AFG2B: variants seen among roughly 807,000 people sequenced by gnomAD.
AFG2B encodes the protein AAA ATPase AFG2B.
At chr15:45,418,720 T>C in the AFG2B span, 1 of 1,600,294 alleles carries the variant, frequency 6.2e-7, no homozygotes, top group Non-Finnish European at 8.5e-7. Flanking sequence ...GTTCAAAACA[T>C]TTCTGCATCT....
the AFG2B span, chr15:45,402,785 G>A: frequency 2.5e-6 from 4 of 1,590,014 alleles, no homozygotes; most frequent in Middle Eastern, 1.7e-4. Context: ...TTGCGAGAGC[G>A]GGCAGGCGCG....
chr15:45,402,605 G>A, the AFG2B span: 4 of 1,574,224 alleles, frequency 2.5e-6, no homozygotes, highest in South Asian at 1.1e-5. Flanking sequence ...TCCTGCCTCT[G>A]CACTGCCTGG....
At chr15:45,413,015 T>C in the AFG2B span, among the ~76,000 whole-genome samples, 1 of 152,258 alleles carries the variant, frequency 6.6e-6, no homozygotes, top group Non-Finnish European at 1.5e-5. Flanking sequence ...CTAGAATTTT[T>C]GAGTCCATGG....
the AFG2B span, chr15:45,410,648 C>A: frequency 1.1e-6 from 1 of 905,456 alleles, no homozygotes; most frequent in Non-Finnish European, 1.6e-6. Flanking sequence ...GTGATCCTAA[C>A]ATCTAAATCC....
chr15:45,404,998 C>T, the AFG2B span, among the ~76,000 whole-genome samples: 1 of 151,962 alleles, frequency 6.6e-6, no homozygotes, highest in Non-Finnish European at 1.5e-5. Context: ...TTAGGATATC[C>T]ATCACCTCAA....
chr15:45,409,860 C>T, the AFG2B span, among the ~76,000 whole-genome samples: 1 of 152,138 alleles, frequency 6.6e-6, no homozygotes, highest in Admixed American at 6.5e-5. Context: ...GAGTGAGACC[C>T]TGTCTCAAAA....
the AFG2B span, chr15:45,414,547 T>G: frequency 2.5e-6 from 4 of 1,603,584 alleles, no homozygotes; most frequent in Admixed American, 5.0e-5. Flanking sequence ...CTAAAACAAC[T>G]CTTCTCTTTT....
the AFG2B span, chr15:45,403,011 C>T: frequency 1.5e-5 from 23 of 1,585,828 alleles, no homozygotes; most frequent in Non-Finnish European, 1.9e-5. Flanking sequence ...CGTCGGAAGC[C>T]CAGCCGCAGC....
At chr15:45,410,419 T>A in the AFG2B span, 1 of 1,613,904 alleles carries the variant, frequency 6.2e-7, no homozygotes, top group South Asian at 1.1e-5. Flanking sequence ...TTGAAGCTTT[T>A]AAAAATATTC....
chr15:45,403,087 C>T, the AFG2B span: 2 of 1,526,276 alleles, frequency 1.3e-6, no homozygotes, highest in East Asian at 5.0e-5. Flanking sequence ...CCGCCTCCCG[C>T]TCCGCTACCC....
the AFG2B span, among the ~76,000 whole-genome samples, chr15:45,419,135 G>T: frequency 6.6e-6 from 1 of 152,142 alleles, no homozygotes; most frequent in African/African-American, 2.4e-5. Context: ...TCTTAGAGTG[G>T]AGAATGGCAA....
chr15:45,410,804 C>T, the AFG2B span, among the ~76,000 whole-genome samples: 2 of 151,988 alleles, frequency 1.3e-5, no homozygotes, highest in Non-Finnish European at 2.9e-5. Flanking sequence ...GTCTATAATC[C>T]CAGCACTTTG....
At chr15:45,410,317 A>G in the AFG2B span, 1 of 1,585,998 alleles carries the variant, frequency 6.3e-7, no homozygotes, top group Non-Finnish European at 8.6e-7. Flanking sequence ...GTGCTATAAA[A>G]AAAGACCAAC....
At chr15:45,403,666 C>T in the AFG2B span, 1 of 991,468 alleles carries the variant, frequency 1.0e-6, no homozygotes, top group African/African-American at 1.7e-5. Flanking sequence ...AACACGTTCT[C>T]TGCCGATATA....
chr15:45,403,617 A>G, the AFG2B span: 1 of 1,494,740 alleles, frequency 6.7e-7, no homozygotes, highest in African/African-American at 1.5e-5. Flanking sequence ...AGGTTTGAGC[A>G]TCGGTGAGGT....
At chr15:45,406,961 G>A in the AFG2B span, 1 of 1,205,968 alleles carries the variant, frequency 8.3e-7, no homozygotes. Context: ...GATGTCTTTT[G>A]AGGGAGACAA....
At chr15:45,412,842 C>T in the AFG2B span, among the ~76,000 whole-genome samples, 1,038 of 152,288 alleles carry the variant, frequency 6.8e-3, 9 homozygotes, top group African/African-American at 0.022. Flanking sequence ...TCTTCAGATC[C>T]TCTCACCTGC....
the AFG2B span, chr15:45,410,239 T>A: frequency 2.1e-6 from 2 of 933,684 alleles, no homozygotes; most frequent in Non-Finnish European, 3.2e-6. Flanking sequence ...GTACTATGTA[T>A]ATAAATTGTT....
At chr15:45,411,626 T>A in the AFG2B span, among the ~76,000 whole-genome samples, 68,780 of 151,656 alleles carry the variant, frequency 0.45, 19,573 homozygotes, top group East Asian at 0.83. Context: ...CTACAAAAAA[T>A]TTTTTTAAAT....
Sources: allele counts gnomAD v4.1 joint callset (sites outside exome capture counted in the v4.1 genomes callset), GRCh38; gene constraint gnomAD v4.1.1; transcripts MANE v1.5; gene names NCBI Gene and HGNC (gene_info 2026-07-23, HGNC 2026-07-21).